Variants in ATP7A observed in about 807,000 individuals in gnomAD.
The protein encoded by ATP7A is copper-transporting ATPase 1.
A neutral mutation model predicts 83.5 loss-of-function variants in ATP7A; 7 were observed. The ratio of observed to expected loss-of-function variants is 0.08; its 90% CI spans 0.05 to 0.16. ATP7A has a LOEUF of 0.16. Among genes scored for constraint, ATP7A ranks in the 10% least tolerant of loss-of-function variants. The pLI is 1.00. For missense variants in ATP7A, 940 were observed against 1,120.8 expected (o/e 0.84, Z 2.30); for synonymous variants, 354 against 395.2 (o/e 0.90, Z 1.24).
In ATP7A at chrX:77,981,472, G is replaced by A. The variant is rs1043756402; in HGVS notation, c.121-6770G>A. ...ATTTTTGTGTTTAAATTTTTATAGCGAACAATCATACATTTGTCATATAAT... is the reference window on the plus strand; with the variant it reads ...ATTTTTGTGTTTAAATTTTTATAGCAAACAATCATACATTTGTCATATAAT... On this transcript the variant is annotated intron_variant, in intron 2 of 22. Coordinates refer to ENST00000341514, the MANE Select transcript of ATP7A (RefSeq NM_000052.7). Among the ~76,000 whole-genome samples, 6 of 111,644 alleles carry A rather than the reference G, an allele frequency of 5.4e-5. No individual in the cohort carries two copies. The South Asian group carries it at 1.1e-3, about 21-fold the overall frequency.
At chrX:78,030,924 C>G (rs2077979639) in intron 15 of ATP7A, among the ~76,000 whole-genome samples, 1 of 110,485 alleles carries the variant, frequency 9.1e-6, no homozygotes, top group Non-Finnish European at 1.9e-5. Context: ...CTCCTGACCT[C>G]AGGTGATCCA....
chrX:77,954,529 CACTT>C (rs1288233965), intron 1 of ATP7A, among the ~76,000 whole-genome samples: 2 of 111,987 alleles, frequency 1.8e-5, no homozygotes, highest in African/African-American at 3.2e-5. Flanking sequence ...AGAAATTAGA[CACTT>C]AGTATTTTGG....
intron 1 of ATP7A, among the ~76,000 whole-genome samples, chrX:77,931,534 C>T (rs1557224247): frequency 8.9e-6 from 1 of 112,764 alleles, no homozygotes; most frequent in South Asian, 3.6e-4. Flanking sequence ...TTGGGTACAC[C>T]TCCCAGAGGG....
At chrX:77,937,880 C>G (rs1188147869) in intron 1 of ATP7A, among the ~76,000 whole-genome samples, 1 of 106,226 alleles carries the variant, frequency 9.4e-6, no homozygotes, top group African/African-American at 3.5e-5. Context: ...CTCTCTCTCT[C>G]TCTCTCTCAC....
At chrX:78,005,714 AAAG>A (rs1213767045) in intron 6 of ATP7A, among the ~76,000 whole-genome samples, 2 of 108,070 alleles carry the variant, frequency 1.9e-5, no homozygotes, top group Non-Finnish European at 1.9e-5. Flanking sequence ...AAAGAAAAAA[AAAG>A]AAGAAAAAAA....
Position 78,009,154 on chromosome X carries a change from C to G in ATP7A, c.1760C>G (p.Thr587Arg). 1 of 1,210,059 alleles carries G rather than the reference C, an allele frequency of 8.3e-7. No individual in the cohort carries two copies. Among genetic ancestry groups the G allele is most frequent in the Non-Finnish European group, 1.1e-6 (1 of 894,343 alleles). The change falls in exon 7 of 23, where the codon ACA (threonine) becomes AGA (arginine). Residue 587 changes from threonine (T) to arginine (R), a missense_variant. Physicochemically the swap from Thr to Arg is moderately conservative, Grantham distance 71. Transcript: ENST00000341514. Reference sequence around the variant, plus strand: ...GTACATAAAATAGAGTCTAGTCTCACAAAACACAGAGGGATCCTATACTGC... The same window carrying G: ...GTACATAAAATAGAGTCTAGTCTCAGAAAACACAGAGGGATCCTATACTGC... ...SCVHKIESSL[T>R]KHRGILYCSV... is the part of the protein sequence containing the mutation.
intron 2 of ATP7A, among the ~76,000 whole-genome samples, chrX:77,973,152 A>G (rs1414303777): frequency 9.0e-6 from 1 of 111,605 alleles, no homozygotes; most frequent in African/African-American, 3.3e-5. Flanking sequence ...GAAAAAAATT[A>G]AAAAAATATT....
intron 14 of ATP7A, among the ~76,000 whole-genome samples, chrX:78,022,839 A>G (rs782094334): frequency 1.3e-4 from 15 of 111,130 alleles, no homozygotes; most frequent in Non-Finnish European, 2.5e-4. Context: ...TGTTTATTAC[A>G]TGGGTATATT....
At chrX:77,923,217 G>T (rs782486628) in intron 1 of ATP7A, 3 of 112,120 alleles carry the variant, frequency 2.7e-5, no homozygotes, top group Non-Finnish European at 5.6e-5. Context: ...TGAATGTAAA[G>T]ATATGTTGTT....
rs2078089974 is a variant in ATP7A at position 78,047,431 on chromosome X, T to C, written c.*861T>C. 8.9e-6 allele frequency: 1 copy of C among 112,397 alleles called. No individual in the cohort carries two copies. Among genetic ancestry groups the C allele is most frequent in the Non-Finnish European group, 1.9e-5 (1 of 53,326 alleles). 9.3% of individuals were successfully genotyped at this position (112,397 alleles called of 1,213,427 possible). Reference sequence around the variant, plus strand: ...GTTGGACTCTAAGTTATTCTTCATGTAGTCTGCTGATCTCAGTCTGGAAAC... The same window carrying C: ...GTTGGACTCTAAGTTATTCTTCATGCAGTCTGCTGATCTCAGTCTGGAAAC... On this transcript the variant is annotated 3_prime_UTR_variant, in exon 23 of 23. Transcript: ENST00000341514.
intron 16 of ATP7A, 63 bp from the exon 17 acceptor site, chrX:78,033,542 T>A: frequency 9.4e-7 from 1 of 1,067,917 alleles, no homozygotes. Context: ...GTTTTTATCT[T>A]GCTAATGAAT....
At chrX:78,004,813 G>T (rs908139165) in intron 6 of ATP7A, among the ~76,000 whole-genome samples, 2 of 111,966 alleles carry the variant, frequency 1.8e-5, no homozygotes, top group African/African-American at 3.2e-5. Flanking sequence ...AACCTGGGAG[G>T]CAGAGGTTGC....
At chrX:77,955,306 G>A (rs942241017) in intron 1 of ATP7A, among the ~76,000 whole-genome samples, 3 of 110,823 alleles carry the variant, frequency 2.7e-5, no homozygotes, top group Non-Finnish European at 5.7e-5. Flanking sequence ...CATAAGCATT[G>A]TTTTCTTTTG....
At chrX:77,938,823 A>G (rs1184094571) in intron 1 of ATP7A, among the ~76,000 whole-genome samples, 1 of 112,091 alleles carries the variant, frequency 8.9e-6, no homozygotes, top group African/African-American at 3.2e-5. Context: ...AGGTATATAC[A>G]TGTGTGTCTG....
intron 18 of ATP7A, 96 bp from the exon 19 acceptor site, chrX:78,040,495 T>C (rs1161915348): frequency 1.8e-6 from 2 of 1,100,053 alleles, no homozygotes; most frequent in African/African-American, 3.7e-5. Context: ...CAACTTTACT[T>C]GAGAAAATTC....
chrX:77,937,327 A>T (rs2077325290), intron 1 of ATP7A, among the ~76,000 whole-genome samples: 1 of 112,623 alleles, frequency 8.9e-6, no homozygotes, highest in Admixed American at 9.4e-5. Flanking sequence ...TGTGCAGAGC[A>T]ACTGGAACTT....
chrX:78,011,942 T>G (rs2149095465), intron 9 of ATP7A, among the ~76,000 whole-genome samples: 1 of 110,048 alleles, frequency 9.1e-6, no homozygotes, highest in South Asian at 3.8e-4. Flanking sequence ...AATTTTTATT[T>G]ATCTATTTTT....
At chrX:78,027,343 A>G (rs782765839) in intron 14 of ATP7A, among the ~76,000 whole-genome samples, 1 of 111,670 alleles carries the variant, frequency 9.0e-6, no homozygotes, top group Admixed American at 9.6e-5. Context: ...CAAGAACTCA[A>G]TCCCATTTAC....
intron 1 of ATP7A, among the ~76,000 whole-genome samples, chrX:77,938,149 G>C (rs2077330863): frequency 9.0e-6 from 1 of 111,414 alleles, no homozygotes; most frequent in Admixed American, 9.6e-5. Context: ...TAAAAATATG[G>C]GTATGGATAT....
Sources: gnomAD v4.1 joint callset for allele counts (sites outside exome capture counted in the v4.1 genomes callset) on GRCh38, gnomAD v4.1.1 for gene constraint, MANE v1.5 for transcripts, NCBI Gene and HGNC (gene_info 2026-07-23, HGNC 2026-07-21) for gene names.